OPRM1: variants seen among roughly 807,000 people sequenced by gnomAD.
The protein encoded by OPRM1 is mu-type opioid receptor.
In OPRM1, 27 loss-of-function variants were observed where a neutral mutation model predicts 31.8. The observed-to-expected ratio is 0.85, with a 90% CI of 0.63 to 1.17. The LOEUF is 1.17. Among genes scored for constraint, OPRM1 ranks in the 50% most tolerant of loss-of-function variants. OPRM1 has a pLI of 0.00. For missense variants in OPRM1, 536 were observed against 511.1 expected (o/e 1.05, Z -0.47); for synonymous variants, 196 against 189.9 (o/e 1.03, Z -0.26).
downstream of OPRM1, among the ~76,000 whole-genome samples, chr6:154,135,910 G>A (rs900551217): frequency 1.4e-4 from 22 of 152,188 alleles, no homozygotes; most frequent in African/African-American, 3.1e-4. Flanking sequence ...AAAATTGAAA[G>A]CATTTCATAT....
chr6:154,238,153 A>T (rs997969204), intron 3 of OPRM1, among the ~76,000 whole-genome samples: 2 of 152,274 alleles, frequency 1.3e-5, no homozygotes, highest in African/African-American at 4.8e-5. Flanking sequence ...TGACAACAGC[A>T]TCATGTATGA....
chr6:154,042,416 C>T (rs1236111767), intron 1 of OPRM1, among the ~76,000 whole-genome samples: 1 of 152,144 alleles, frequency 6.6e-6, no homozygotes, highest in African/African-American at 2.4e-5. Flanking sequence ...ACTTCCTTCC[C>T]TATTTAAAAT....
chr6:154,048,214 A>C (rs1781528488), intron 1 of OPRM1, among the ~76,000 whole-genome samples: 1 of 152,196 alleles, frequency 6.6e-6, no homozygotes, highest in South Asian at 2.1e-4. Flanking sequence ...CGTTTACGTA[A>C]ATTAGGCCAA....
Position 154,140,517 on chromosome 6 carries a change from A to G in OPRM1, c.1164+49045A>G, listed in dbSNP as rs146117560. ...GCTAATTTTTGTATTTTTAGTTGAG[A>G]CAGGGTTTCGCCATGTTGGCCAGGC... On this transcript the variant is annotated intron_variant, in intron 3 of 3. Transcript: ENST00000337049. 1.4e-3 allele frequency among the ~76,000 whole-genome samples: 207 copies of G among 152,166 alleles called. 5 individuals are homozygous for G. The East Asian group carries it at 0.032, about 24-fold the overall frequency.
Position 154,019,456 on chromosome 6 carries a change from A to G in OPRM1, c.-1+8438A>G, listed in dbSNP as rs772402138. Among the ~76,000 whole-genome samples the G allele has an allele frequency of 4.9e-4, 74 of 152,048 alleles. 1 individual carries two copies. Among genetic ancestry groups the G allele is most frequent in the Non-Finnish European group, 7.6e-4 (52 of 68,012 alleles). ...GTTCACTTTTGGTGTTGTACATTCT[A>G]TGGGTTTTGACAAACATATAAAGAC... On this transcript the variant is annotated intron_variant, in intron 1 of 5. Transcript: ENST00000434900.
At position 154,168,035 on chromosome 6, in the gene OPRM1, C is replaced by T. The variant is rs1799573382; in HGVS notation, c.1164+76563C>T. On this transcript the variant is annotated intron_variant, in intron 3 of 3. Coordinates refer to the OPRM1 transcript ENST00000337049. The surrounding 1 kb of genome is among the most constrained non-coding windows in gnomAD (Gnocchi z 4.1). ...CTTTTTAGTCGAAGGTCGTCGGTCC[C>T]CAAGAGGAGATAGACTAGCTTGCTC... 1.2e-6 allele frequency: 2 copies of T among 1,610,666 alleles called. No homozygotes were observed. The highest frequency in any genetic ancestry group is 1.7e-6 in the Non-Finnish European group (2 of 1,177,574).
intron 1 of OPRM1, among the ~76,000 whole-genome samples, chr6:154,063,956 G>T (rs929789177): frequency 2.0e-5 from 3 of 151,890 alleles, no homozygotes; most frequent in Non-Finnish European, 4.4e-5. Context: ...TGTGAAGATG[G>T]GTATATAAAT....
In OPRM1 at chr6:154,199,924, C is replaced by T. The variant is rs139637832; in HGVS notation, c.1165-46769C>T. On this transcript the variant is annotated intron_variant, in intron 3 of 3. Transcript: ENST00000337049. ...TAACTGTGTCAGGCAAGGATTGTCT[C>T]TCTTTAGATAAGGAGGAAGGAAAAC... is the stretch of plus-strand genomic sequence containing the variant. 1.7e-5 allele frequency: 27 copies of T among 1,614,170 alleles called. No homozygotes were observed. In the African/African-American group the frequency reaches 3.5e-4, roughly 21 times the overall value.
At chr6:154,027,500 G>A (rs1390814114) in intron 1 of OPRM1, among the ~76,000 whole-genome samples, 1 of 152,188 alleles carries the variant, frequency 6.6e-6, no homozygotes, top group African/African-American at 2.4e-5. Context: ...TGTTCACACA[G>A]GACTTGGGGC....
rs755357242 is a variant in OPRM1, at chr6:154,167,888, T to C, written c.1164+76416T>C. The C allele has an allele frequency of 4.6e-6, 7 of 1,513,324 alleles. No individual in the cohort carries two copies. In the Admixed American group the frequency reaches 6.9e-5, roughly 15 times the overall value. The allele number at this position is 1,513,324 out of a possible 1,614,324, so 93.7% of individuals were successfully genotyped here. A position where few individuals can be genotyped will look rare whatever the true frequency, so the allele number is the denominator to read the frequency against. On this transcript the variant is annotated intron_variant, in intron 3 of 3. Coordinates refer to the OPRM1 transcript ENST00000337049. ...CCAGCCGTTCCTTGCCCCACATCCA[T>C]AGAGTTCATCCACAATTTGAAATTT...
intron 1 of OPRM1, among the ~76,000 whole-genome samples, chr6:154,084,754 T>G (rs1790092079): frequency 6.6e-6 from 1 of 152,194 alleles, no homozygotes; most frequent in Non-Finnish European, 1.5e-5. Context: ...TGTTGAATTC[T>G]TACTGAATTA....
exon 1 of OPRM1, chr6:154,010,925 T>G: frequency 5.4e-6 from 7 of 1,305,144 alleles, no homozygotes; most frequent in Non-Finnish European, 7.0e-6. Flanking sequence ...ATCAAAATGT[T>G]TCCTGGAAAC....
chr6:154,221,436 T>C, intron 3 of OPRM1: 1 of 831,642 alleles, frequency 1.2e-6, no homozygotes, highest in Non-Finnish European at 1.9e-6. Flanking sequence ...TCTGCTTTCT[T>C]TGTAAATTTA....
intron 3 of OPRM1, chr6:154,221,271 C>T: frequency 6.2e-7 from 1 of 1,613,848 alleles, no homozygotes. Context: ...TCATTTCCTG[C>T]ACATTCTCAG....
chr6:154,057,948 A>G (rs1432596761), intron 1 of OPRM1, among the ~76,000 whole-genome samples: 1 of 152,236 alleles, frequency 6.6e-6, no homozygotes, highest in Non-Finnish European at 1.5e-5. Context: ...CAAAAGAGAA[A>G]TTGACACTAT....
In OPRM1 at chr6:154,127,621, C is replaced by T. The variant is rs1041291924; in HGVS notation, c.*8900C>T. Among the ~76,000 whole-genome samples, 1 of 152,196 alleles carries T rather than the reference C, an allele frequency of 6.6e-6. No individual in the cohort carries two copies. The highest frequency in any genetic ancestry group is 2.4e-5 in the African/African-American group (1 of 41,444). Reference sequence around the variant, plus strand: ...GTGGTGGGCCGGCTACAACCCTCCCCACCCCTCGCTTTCACTAAATAACAA... The same window carrying T: ...GTGGTGGGCCGGCTACAACCCTCCCTACCCCTCGCTTTCACTAAATAACAA... On this transcript the variant is annotated 3_prime_UTR_variant, in exon 4 of 4. Transcript: ENST00000330432.
intron 3 of OPRM1, among the ~76,000 whole-genome samples, chr6:154,169,340 T>C (rs889794950): frequency 6.6e-6 from 1 of 152,072 alleles, no homozygotes; most frequent in African/African-American, 2.4e-5. Context: ...CAGCCTGGGC[T>C]ACAGAGTGAG....
chr6:154,153,684 CAAAAAAAAA>C (rs35352448), intron 3 of OPRM1, among the ~76,000 whole-genome samples: 2 of 89,490 alleles, frequency 2.2e-5, no homozygotes, highest in African/African-American at 7.9e-5. Flanking sequence ...AACTCTATCT[CAAAAAAAAA>C]AAAAAAAAGC....
At chr6:154,150,405 A>G (rs1339355851) in intron 3 of OPRM1, among the ~76,000 whole-genome samples, 1 of 152,208 alleles carries the variant, frequency 6.6e-6, no homozygotes, top group Non-Finnish European at 1.5e-5. Flanking sequence ...TTGATGTATA[A>G]GTGCCTTCGT....
Sources: allele counts gnomAD v4.1 joint callset (sites outside exome capture counted in the v4.1 genomes callset), GRCh38; gene constraint gnomAD v4.1.1; non-coding constraint Gnocchi (gnomAD v3.1); transcripts MANE v1.5; gene names NCBI Gene and HGNC (gene_info 2026-07-23, HGNC 2026-07-21).